ZNF19: variants seen among roughly 807,000 people sequenced by gnomAD.
ZNF19 encodes zinc finger protein 19, also known as zinc finger protein 19 (KOX 12).
In ZNF19, 11 loss-of-function variants were observed where a neutral mutation model predicts 13.1. The ratio of observed to expected loss-of-function variants is 0.84; its 90% CI spans 0.53 to 1.39. The LOEUF (loss-of-function observed/expected upper bound fraction) is 1.39, where lower values mean the gene tolerates loss of function less well. ZNF19 is among the 40% of genes most tolerant of loss of function. The pLI is 0.00. For missense variants in ZNF19, 560 were observed against 547.0 expected, an observed-to-expected ratio of 1.02 and a Z score of -0.24; for synonymous variants, 186 against 187.0, an observed-to-expected ratio of 0.99 and a Z score of 0.04.
In ZNF19 at chr16:71,475,748, G is replaced by A; in HGVS notation, c.799C>T (p.His267Tyr). 1 of 1,613,082 alleles carries A rather than the reference G, an allele frequency of 6.2e-7. No homozygotes were observed. The highest frequency in any genetic ancestry group is 8.5e-7 in the Non-Finnish European group (1 of 1,179,188). The stretch of plus-strand genomic sequence containing the variant: ...CACTCATAGGGTTTCTCCCCAGTGT[G>A]GATTCTCTGATGTATAACAAACTCG... ...SSEFVIHQRI[H>Y]TGEKPYECNE... Residue 267 changes from histidine (H) to tyrosine (Y), a missense_variant, in exon 6 of 6, where the codon CAC becomes TAC. Physicochemically the swap from His to Tyr is moderately conservative, Grantham distance 83. Transcript: ENST00000288177.
At chr16:71,479,966 T>C (rs1215843065) in intron 3 of ZNF19, among the ~76,000 whole-genome samples, 1 of 152,052 alleles carries the variant, frequency 6.6e-6, no homozygotes, top group Non-Finnish European at 1.5e-5. Context: ...CTAATCTTTG[T>C]ATTTTCTGTA....
intron 2 of ZNF19, 39 bp from the exon 3 acceptor site, chr16:71,482,182 C>G (rs917309059): frequency 3.1e-6 from 5 of 1,600,550 alleles, no homozygotes; most frequent in Middle Eastern, 3.3e-4. Flanking sequence ...GTGAGCTCAG[C>G]CCAGTAAAAT....
rs1480964758 is a variant in ZNF19 at position 71,476,179 on chromosome 16, A to G, written c.368T>C (p.Val123Ala). The G allele has an allele frequency of 2.5e-6, 4 of 1,614,038 alleles. No individual in the cohort carries two copies. The African/African-American group carries it at 4.0e-5, about 16-fold the overall frequency. The change falls in exon 6 of 6, where the codon GTC (valine) becomes GCC (alanine). Residue 123 changes from valine to alanine, a missense_variant. Coordinates refer to ENST00000288177, the MANE Select transcript of ZNF19 (RefSeq NM_006961.4). ...GMMSHGQLKSVPQRTDFPETR... is the reference protein window; with the variant it reads ...GMMSHGQLKSAPQRTDFPETR... ...TTCTGGGAAGTCAGTTCTCTGAGGG[A>G]CACTCTTCAGCTGACCATGTGACAT...
At chr16:71,487,564 C>A (rs1484455145) in intron 1 of ZNF19, among the ~76,000 whole-genome samples, 1 of 152,186 alleles carries the variant, frequency 6.6e-6, no homozygotes, top group South Asian at 2.1e-4. Context: ...CAAGCTTTGA[C>A]CATTCCTTAG....
Position 71,482,006 on chromosome 16 carries a change from C to A in ZNF19, c.33+76G>T, listed in dbSNP as rs551186479. On this transcript the variant is annotated intron_variant, in intron 3 of 5. Transcript: ENST00000288177. ...CCTACTGCTTTGGCTCTAAGACTTG[C>A]CAGAATCACCTTTATCCACCTCATT... 3.2e-6 allele frequency: 5 copies of A among 1,545,154 alleles called. No homozygotes were observed. The East Asian group carries it at 1.1e-4, about 35-fold the overall frequency.
chr16:71,481,378 A>G (rs540331815), intron 3 of ZNF19, among the ~76,000 whole-genome samples: 14 of 152,362 alleles, frequency 9.2e-5, no homozygotes, highest in African/African-American at 3.4e-4. Flanking sequence ...CTCCGTCTCA[A>G]AAAGTGAAAT....
rs563389968 is a variant in ZNF19, at chr16:71,489,215, T to C, written c.-190+57A>G. Reference sequence around the variant, plus strand: ...CTCAAAGGACCAGCCTGGACTGCTATGCTGTCTCACTCCCAACCCAAGCTC... The same window carrying C: ...CTCAAAGGACCAGCCTGGACTGCTACGCTGTCTCACTCCCAACCCAAGCTC... On this transcript the variant is annotated intron_variant, in intron 1 of 5. Coordinates refer to ENST00000288177, the MANE Select transcript of ZNF19 (RefSeq NM_006961.4). The C allele has an allele frequency of 1.1e-5, 11 of 979,594 alleles. No homozygotes were observed. The East Asian group carries it at 9.1e-4, about 81-fold the overall frequency. 60.7% of individuals were successfully genotyped at this position (979,594 alleles called of 1,614,324 possible).
Position 71,475,614 on chromosome 16 carries a change from T to G in ZNF19, c.933A>C (p.Gly311=), listed in dbSNP as rs766276470. ...YECNECGKSF[G]RTSHLSQHQR... Reference sequence around the variant, plus strand: ...GATGTTGGCTTAGATGGGAAGTCCTTCCAAAGCTTTTGCCACACTCATTAC... The same window carrying G: ...GATGTTGGCTTAGATGGGAAGTCCTGCCAAAGCTTTTGCCACACTCATTAC... Residue 311 remains glycine, a synonymous_variant, in exon 6 of 6, where the codon GGA becomes GGC. Coordinates refer to ENST00000288177, the MANE Select transcript of ZNF19 (RefSeq NM_006961.4). 3.0e-5 allele frequency: 49 copies of G among 1,613,870 alleles called. No homozygotes were observed. Among genetic ancestry groups the G allele is most frequent in the Non-Finnish European group, 3.8e-5 (45 of 1,179,982 alleles).
intron 2 of ZNF19, among the ~76,000 whole-genome samples, chr16:71,484,002 C>G (rs1458956573): frequency 5.4e-4 from 83 of 152,306 alleles, no homozygotes; most frequent in African/African-American, 4.8e-5. Flanking sequence ...AAGCCATGTT[C>G]TAGTAGTGAA....
At chr16:71,482,992 C>T (rs925391430) in intron 2 of ZNF19, among the ~76,000 whole-genome samples, 9 of 152,236 alleles carry the variant, frequency 5.9e-5, no homozygotes, top group East Asian at 1.9e-4. Flanking sequence ...CGTGAGGCAC[C>T]GCCTCCTGCT....
chr16:71,475,573 C>T lies in ZNF19; in HGVS notation c.974G>A (p.Gly325Glu). The change falls in exon 6 of 6, where the codon GGG becomes GAG. Residue 325 changes from glycine (G) to glutamate (E), a missense_variant. Transcript: ENST00000288177. ...HLSQHQRIHTGEKPYSCKVCG... is the reference protein window; with the variant it reads ...HLSQHQRIHTEEKPYSCKVCG... Reference sequence around the variant, plus strand: ...TACTTTACAAGAATAAGGCTTTTCCCCTGTGTGAATACGCTGATGTTGGCT... The same window carrying T: ...TACTTTACAAGAATAAGGCTTTTCCTCTGTGTGAATACGCTGATGTTGGCT... The T allele has an allele frequency of 6.2e-7, 1 of 1,614,056 alleles. No individual in the cohort carries two copies. Among genetic ancestry groups the T allele is most frequent in the South Asian group, 1.1e-5 (1 of 91,072 alleles).
intron 3 of ZNF19, chr16:71,479,238 A>C: frequency 1.8e-6 from 1 of 547,202 alleles, no homozygotes. Context: ...ACTGTCATAA[A>C]ATGTGATTTA....
chr16:71,488,403 A>G (rs2043695562), intron 1 of ZNF19, among the ~76,000 whole-genome samples: 1 of 151,848 alleles, frequency 6.6e-6, no homozygotes, highest in Non-Finnish European at 1.5e-5. Context: ...AATGAAAGAC[A>G]CACAGATTCG....
intron 3 of ZNF19, among the ~76,000 whole-genome samples, chr16:71,481,612 T>C (rs2043637438): frequency 6.6e-6 from 1 of 152,184 alleles, no homozygotes; most frequent in African/African-American, 2.4e-5. Flanking sequence ...CAAGGACATA[T>C]GTTTCCTGAT....
At chr16:71,482,420 T>C (rs28676959) in intron 2 of ZNF19, 19 of 342,148 alleles carry the variant, frequency 5.6e-5, no homozygotes, top group African/African-American at 2.7e-4. Context: ...AAGACACCAA[T>C]AAACTCAGAG....
chr16:71,478,761 G>A (rs966498743), intron 4 of ZNF19, 118 bp downstream of exon 4: 1 of 1,398,530 alleles, frequency 7.2e-7, no homozygotes, highest in Non-Finnish European at 9.7e-7. Context: ...CAGTCACTCA[G>A]TGGAGGACAC....
intron 4 of ZNF19, 65 bp downstream of exon 4, chr16:71,478,814 G>C (rs1939789589): frequency 1.3e-5 from 20 of 1,580,492 alleles, no homozygotes; most frequent in Non-Finnish European, 1.7e-5. Flanking sequence ...CTCCCCCCAG[G>C]CTGTAAAAGA....
At position 71,475,553 on chromosome 16, in the gene ZNF19, T is replaced by G. The variant is rs757756097; in HGVS notation, c.994A>C (p.Lys332Gln). 1 of 1,614,178 alleles carries G rather than the reference T, an allele frequency of 6.2e-7. No homozygotes were observed. Among genetic ancestry groups the G allele is most frequent in the Admixed American group, 1.7e-5 (1 of 60,020 alleles). The change falls in exon 6 of 6, where the codon AAA (lysine) becomes CAA (glutamine). Residue 332 changes from lysine to glutamine, a missense_variant. Lys to Gln is a moderately conservative substitution (Grantham distance 53, BLOSUM62 1). Transcript: ENST00000288177. Reference protein sequence around the residue: ...IHTGEKPYSCKVCGQAFNFHT... With the variant: ...IHTGEKPYSCQVCGQAFNFHT... The stretch of plus-strand genomic sequence containing the variant: ...AAATTGAAGGCTTGTCCACATACTT[T>G]ACAAGAATAAGGCTTTTCCCCTGTG...
intron 5 of ZNF19, among the ~76,000 whole-genome samples, chr16:71,477,487 C>A (rs933236948): frequency 6.6e-6 from 1 of 152,126 alleles, no homozygotes; most frequent in African/African-American, 2.4e-5. Flanking sequence ...TGGTGGCCCC[C>A]ATCTATTTGA....
Sources: allele counts gnomAD v4.1 joint callset (sites outside exome capture counted in the v4.1 genomes callset), GRCh38; gene constraint gnomAD v4.1.1; transcripts MANE v1.5; gene names NCBI Gene and HGNC (gene_info 2026-07-23, HGNC 2026-07-21).